Variants in TJP3 observed in about 807,000 individuals in gnomAD.
TJP3 encodes the protein tight junction protein 3.
A neutral mutation model predicts 104.2 loss-of-function variants in TJP3; 85 were observed. That is an observed-to-expected ratio of 0.82 (90% CI 0.68 to 0.98). The LOEUF (loss-of-function observed/expected upper bound fraction) is 0.98, where lower values mean the gene tolerates loss of function less well. TJP3 is among the 50% of genes least tolerant of loss of function. The probability of loss-of-function intolerance (pLI) is 0.00; values close to 1 mark genes in which losing one functional copy is unlikely to be tolerated. For missense variants in TJP3, 1,367 were observed against 1,322.8 expected (o/e 1.03, Z -0.52); for synonymous variants, 550 against 550.6 (o/e 1.00, Z 0.02).
intron 8 of TJP3, among the ~76,000 whole-genome samples, chr19:3,734,693 G>A (rs1375266658): frequency 1.3e-5 from 2 of 152,146 alleles, no homozygotes; most frequent in African/African-American, 4.8e-5. Context: ...GGTGGCTCAC[G>A]CCTGTAATCT....
In TJP3 at chr19:3,746,416, T is replaced by A; in HGVS notation, c.2011-69T>A. 1 of 1,540,312 alleles carries A rather than the reference T, an allele frequency of 6.5e-7. No individual in the cohort carries two copies. Among genetic ancestry groups the A allele is most frequent in the Non-Finnish European group, 8.9e-7 (1 of 1,123,488 alleles). ...CACTCTGACCTCAGACTCTTCATCTTTCTATCTTTCTCTCTCTGTTTACCC... is the reference window on the plus strand; with the variant it reads ...CACTCTGACCTCAGACTCTTCATCTATCTATCTTTCTCTCTCTGTTTACCC... On this transcript the variant is annotated intron_variant, in intron 16 of 20. Transcript: ENST00000541714. This position sits in a 1 kb window ranked among gnomAD's most constrained non-coding sequence, Gnocchi z 4.1.
At chr19:3,743,852 A>T in intron 14 of TJP3, 87 bp from the exon 15 acceptor site, 2 of 1,208,954 alleles carry the variant, frequency 1.7e-6, no homozygotes, top group Non-Finnish European at 2.4e-6. Flanking sequence ...TGTTTACTAT[A>T]AGGAAGTGGA....
At chr19:3,748,114 G>A in intron 19 of TJP3, 33 bp downstream of exon 19, 1 of 1,512,178 alleles carries the variant, frequency 6.6e-7, no homozygotes. Context: ...GCCTGGGAAG[G>A]GTCTCCGGAG....
chr19:3,716,927 T>G (rs2036483652), intron 1 of TJP3, among the ~76,000 whole-genome samples: 1 of 142,244 alleles, frequency 7.0e-6, no homozygotes, highest in African/African-American at 2.5e-5. Context: ...GCCTCCCGAG[T>G]ACCTGGGATT....
intron 1 of TJP3, among the ~76,000 whole-genome samples, chr19:3,714,663 T>C (rs534180702): frequency 6.6e-6 from 1 of 152,038 alleles, no homozygotes; most frequent in East Asian, 2.0e-4. Flanking sequence ...ATCCCAGCAC[T>C]TTGGGAGGCC....
chr19:3,739,129 G>C lies in TJP3; in HGVS notation c.1626G>C (p.Gln542His). The C allele has an allele frequency of 6.4e-7, 1 of 1,550,974 alleles. No homozygotes were observed. The highest frequency in any genetic ancestry group is 8.7e-7 in the Non-Finnish European group (1 of 1,146,784). The change falls in exon 13 of 21, where the codon CAG becomes CAC. Residue 542 changes from glutamine (Q) to histidine (H), a missense_variant. Coordinates refer to ENST00000541714, the MANE Select transcript of TJP3 (RefSeq NM_001267560.2). ...REQERGIIPN[Q>H]SRAEQLASLE... ...AAGAGCGGGGCATCATTCCCAACCAGAGCAGGTGGGGACTGTGTGCTCCTG... is the reference window on the plus strand; with the variant it reads ...AAGAGCGGGGCATCATTCCCAACCACAGCAGGTGGGGACTGTGTGCTCCTG...
chr19:3,746,866 CG>C lies in TJP3; in HGVS notation c.2314del (p.Glu772LysfsTer12). 1 of 1,405,546 alleles carries C rather than the reference CG, an allele frequency of 7.1e-7. No individual in the cohort carries two copies. The allele number at this position is 1,405,546 out of a possible 1,614,324, so 87.1% of individuals were successfully genotyped here. ...REQQTRPIWT[A>X]EDQLDGSLED... ...CAGCAGACGCGGCCCATCTGGACGG[CG>C]GAAGATCAGGTACTGCCGCGGTGTG... On this transcript the variant is annotated frameshift_variant, in exon 18 of 21. Transcript: ENST00000541714. LOFTEE classifies it high-confidence loss of function. The surrounding 1 kb of genome is among the most constrained non-coding windows in gnomAD (Gnocchi z 4.1).
chr19:3,717,716 G>A (rs1487022326), intron 1 of TJP3, among the ~76,000 whole-genome samples: 3 of 152,056 alleles, frequency 2.0e-5, no homozygotes, highest in Non-Finnish European at 2.9e-5. Flanking sequence ...TGACAGGCAT[G>A]AGCCACTGCA....
At chr19:3,709,786 C>T (rs974950210) in intron 1 of TJP3, among the ~76,000 whole-genome samples, 11 of 152,216 alleles carry the variant, frequency 7.2e-5, no homozygotes, top group Admixed American at 5.9e-4. Flanking sequence ...AGAGCAAACC[C>T]GTGGACTCAG....
chr19:3,721,912 C>A, intron 1 of TJP3: 1 of 1,221,996 alleles, frequency 8.2e-7, no homozygotes, highest in Non-Finnish European at 1.0e-6. Context: ...AGATTCCAGG[C>A]GAGTAACCCT....
At chr19:3,714,187 T>C (rs1048870671) in intron 1 of TJP3, among the ~76,000 whole-genome samples, 7 of 152,144 alleles carry the variant, frequency 4.6e-5, no homozygotes, top group Admixed American at 2.6e-4. Flanking sequence ...GTAGCAGGGA[T>C]TACAGCAGCC....
chr19:3,741,283 G>A (rs1032692308), intron 14 of TJP3, among the ~76,000 whole-genome samples: 9 of 151,904 alleles, frequency 5.9e-5, no homozygotes, highest in African/African-American at 1.2e-4. Context: ...TTACAGGCGT[G>A]AGCCACCACG....
Position 3,738,998 on chromosome 19 carries a change from G to C in TJP3, c.1495G>C (p.Gly499Arg). Residue 499 changes from glycine (G) to arginine (R), a missense_variant, in exon 13 of 21, where the codon GGC becomes CGC. By Grantham distance (125) the Gly-to-Arg change is moderately radical. Coordinates refer to ENST00000541714, the MANE Select transcript of TJP3 (RefSeq NM_001267560.2). Reference sequence around the variant, plus strand: ...ACCGTCTGGCCTGGGCTTCACCCGTGGCGACGTCTTCCACGTGCTGGACAC... The same window carrying C: ...ACCGTCTGGCCTGGGCTTCACCCGTCGCGACGTCTTCCACGTGCTGGACAC... ...SPPSGLGFTR[G>R]DVFHVLDTLH... The C allele has an allele frequency of 1.9e-6, 3 of 1,613,200 alleles. No homozygotes were observed. Among genetic ancestry groups the C allele is most frequent in the Non-Finnish European group, 2.5e-6 (3 of 1,179,856 alleles).
intron 8 of TJP3, among the ~76,000 whole-genome samples, 175 bp downstream of exon 8, chr19:3,734,610 T>G (rs983984204): frequency 3.3e-5 from 5 of 152,218 alleles, no homozygotes; most frequent in African/African-American, 1.2e-4. Context: ...TCCAAAGCCG[T>G]GTCCGCATTT....
chr19:3,724,235 G>A (rs56771800), intron 1 of TJP3, among the ~76,000 whole-genome samples: 16,748 of 151,270 alleles, frequency 0.11, 1,440 homozygotes, highest in African/African-American at 0.24. Flanking sequence ...TCCCTCTGTC[G>A]CCCAGGCTGG....
At position 3,739,053 on chromosome 19, in the gene TJP3, C is replaced by A. The variant is rs1336687879; in HGVS notation, c.1550C>A (p.Ala517Glu). Residue 517 changes from alanine to glutamate, a missense_variant, in exon 13 of 21, where the codon GCA (alanine) becomes GAA (glutamate). By Grantham distance (107) the Ala-to-Glu change is moderately radical. Coordinates refer to ENST00000541714, the MANE Select transcript of TJP3 (RefSeq NM_001267560.2). ...CACCCCGGCCCCGGGCAGAGCCACG[C>A]ACGAGGAGGCCACTGGCTGGCGGTG... is the stretch of plus-strand genomic sequence containing the variant. ...TLHPGPGQSHARGGHWLAVRM... is the reference protein window; with the variant it reads ...TLHPGPGQSHERGGHWLAVRM... The A allele has an allele frequency of 1.2e-6, 2 of 1,609,360 alleles. No homozygotes were observed. Among genetic ancestry groups the A allele is most frequent in the African/African-American group, 1.3e-5 (1 of 74,872 alleles).
intron 1 of TJP3, among the ~76,000 whole-genome samples, chr19:3,708,870 C>A (rs1384412699): frequency 6.6e-6 from 1 of 152,136 alleles, no homozygotes; most frequent in South Asian, 2.1e-4. Flanking sequence ...GGTCTCTGAT[C>A]CCCCTAACTG....
Position 3,728,753 on chromosome 19 carries a change from C to G in TJP3, c.158+40C>G, listed in dbSNP as rs756791623. The G allele has an allele frequency of 7.5e-6, 12 of 1,600,084 alleles. No individual in the cohort carries two copies. In the African/African-American group the frequency reaches 1.2e-4, roughly 16 times the overall value. Reference sequence around the variant, plus strand: ...AGCTGGGTTCTGGCGGGGGAGGGCACGTGGAGAGGAGAAACCAGGCCAGGC... The same window carrying G: ...AGCTGGGTTCTGGCGGGGGAGGGCAGGTGGAGAGGAGAAACCAGGCCAGGC... On this transcript the variant is annotated intron_variant, in intron 3 of 20. Transcript: ENST00000541714.
In TJP3 at chr19:3,734,390, G is replaced by T. The variant is rs757955059; in HGVS notation, c.941G>T (p.Arg314Leu). Residue 314 changes from arginine to leucine, a missense_variant, in exon 8 of 21, where the codon CGG becomes CTG. Physicochemically the swap from Arg to Leu is moderately radical, Grantham distance 102 (BLOSUM62 -2). Coordinates refer to ENST00000541714, the MANE Select transcript of TJP3 (RefSeq NM_001267560.2). ...APPSHIPPPP[R>L]HAQRSPEASQ... ...CCATCCCACATCCCACCACCACCCC[G>T]GCATGCTCAGCGGAGCCCCGAGGCC... 4 of 1,612,786 alleles carry T rather than the reference G, an allele frequency of 2.5e-6. No homozygotes were observed. Among genetic ancestry groups the T allele is most frequent in the Non-Finnish European group, 1.7e-6 (2 of 1,179,844 alleles).
Sources: gnomAD v4.1 joint callset for allele counts (sites outside exome capture counted in the v4.1 genomes callset) on GRCh38, gnomAD v4.1.1 for gene constraint, Gnocchi (gnomAD v3.1) non-coding constraint, MANE v1.5 for transcripts, NCBI Gene and HGNC (gene_info 2026-07-23, HGNC 2026-07-21) for gene names.